The following RIMS2 variants were observed in gnomAD, a reference collection of about 807,000 sequenced individuals.
The protein encoded by RIMS2 is regulating synaptic membrane exocytosis 2, also known as regulating synaptic membrane exocytosis protein 2.
Under a neutral mutation model 174.4 loss-of-function variants are expected in RIMS2, and 59 were observed. The ratio of observed to expected loss-of-function variants is 0.34; its 90% CI spans 0.27 to 0.42. RIMS2 has a LOEUF of 0.42. RIMS2 is among the 10% of genes least tolerant of loss of function. RIMS2 has a pLI of 1.00. For synonymous variants in RIMS2, 606 were observed against 572.5 expected (o/e 1.06, Z -0.84); for missense variants, 1,620 against 1,666.3 (o/e 0.97, Z 0.48).
At chr8:103,779,435 T>C (rs958396148) in intron 3 of RIMS2, among the ~76,000 whole-genome samples, 5 of 152,224 alleles carry the variant, frequency 3.3e-5, no homozygotes, top group African/African-American at 1.2e-4. Flanking sequence ...TGGTGAAAGA[T>C]AGGATTCTAG....
chr8:104,132,122 TTTC>T (rs1303890215), intron 19 of RIMS2, among the ~76,000 whole-genome samples: 1 of 152,186 alleles, frequency 6.6e-6, no homozygotes, highest in Non-Finnish European at 1.5e-5. Context: ...TCATTTTCCT[TTTC>T]TTATTTTGTA....
At chr8:104,046,215 A>G (rs1217204359) in intron 19 of RIMS2, among the ~76,000 whole-genome samples, 1 of 152,000 alleles carries the variant, frequency 6.6e-6, no homozygotes, top group Admixed American at 6.6e-5. Flanking sequence ...TTCATGGACC[A>G]CCATCTTTTT....
At chr8:103,658,413 T>A (rs1277235774) in intron 1 of RIMS2, among the ~76,000 whole-genome samples, 1 of 152,164 alleles carries the variant, frequency 6.6e-6, no homozygotes, top group African/African-American at 2.4e-5. Flanking sequence ...TAAATAAGAT[T>A]ACAAGTAAAC....
chr8:103,751,714 T>C (rs1265049748), intron 2 of RIMS2, among the ~76,000 whole-genome samples: 2 of 151,498 alleles, frequency 1.3e-5, no homozygotes, highest in African/African-American at 2.4e-5. Context: ...TGAGCATTTT[T>C]TCATGTGTTT....
chr8:103,622,400 C>A (rs2095657187), intron 1 of RIMS2, among the ~76,000 whole-genome samples: 1 of 151,800 alleles, frequency 6.6e-6, no homozygotes, highest in South Asian at 2.1e-4. Flanking sequence ...TTTAAAAAGA[C>A]AAACACAAAA....
chr8:104,083,142 T>A (rs1192440155), intron 19 of RIMS2, among the ~76,000 whole-genome samples: 1 of 152,182 alleles, frequency 6.6e-6, no homozygotes, highest in Non-Finnish European at 1.5e-5. Context: ...TAATTATATT[T>A]GCCCTATCCC....
intron 19 of RIMS2, among the ~76,000 whole-genome samples, chr8:104,183,336 C>T (rs889825070): frequency 1.5e-4 from 22 of 151,662 alleles, no homozygotes; most frequent in African/African-American, 5.1e-4. Context: ...TACTAATTTA[C>T]ATAATTATTT....
intron 20 of RIMS2, 135 bp downstream of exon 26, chr8:104,245,192 G>A: frequency 1.2e-6 from 1 of 836,828 alleles, no homozygotes; most frequent in Non-Finnish European, 1.8e-6. Flanking sequence ...CCTGTGAAGA[G>A]AACTTTGCTC....
At chr8:103,907,479 ACT>A (rs1391675804) in intron 4 of RIMS2, among the ~76,000 whole-genome samples, 4 of 151,156 alleles carry the variant, frequency 2.6e-5, no homozygotes, top group Admixed American at 6.6e-5. Flanking sequence ...GTTTTAGGAA[ACT>A]CTATTTGATT....
At chr8:103,568,240 C>T (rs2092529918) in intron 1 of RIMS2, among the ~76,000 whole-genome samples, 1 of 152,038 alleles carries the variant, frequency 6.6e-6, no homozygotes, top group African/African-American at 2.4e-5. Context: ...CGAGGTGGCA[C>T]TGATCTGTGA....
At chr8:103,931,292 C>G in exon 12 of RIMS2, 2 of 1,603,862 alleles carry the variant, frequency 1.2e-6, no homozygotes, top group Non-Finnish European at 1.7e-6. Flanking sequence ...AGGTTGGTCA[C>G]CAATTAATAG....
chr8:103,952,087 A>G (rs1312223793), intron 14 of RIMS2, among the ~76,000 whole-genome samples: 1 of 152,166 alleles, frequency 6.6e-6, no homozygotes, highest in Admixed American at 6.5e-5. Flanking sequence ...TCTCTGAAAA[A>G]AAGGCAGCAG....
intron 2 of RIMS2, among the ~76,000 whole-genome samples, chr8:103,702,852 GTT>G (rs59947900): frequency 0.34 from 39,707 of 117,142 alleles, 4,660 homozygotes; most frequent in East Asian, 0.65. Context: ...TCCTCCAGCT[GTT>G]TTTTTTTTTT....
intron 19 of RIMS2, among the ~76,000 whole-genome samples, chr8:104,226,551 C>T (rs566473543): frequency 6.6e-6 from 1 of 152,300 alleles, no homozygotes; most frequent in South Asian, 2.1e-4. Context: ...TCCTTTCCCT[C>T]TCAGAGCTTT....
intron 1 of RIMS2, among the ~76,000 whole-genome samples, chr8:103,684,066 T>C (rs1441638400): frequency 6.6e-6 from 1 of 152,222 alleles, no homozygotes; most frequent in Non-Finnish European, 1.5e-5. Flanking sequence ...CTTTTCTTAA[T>C]GTCAGGTTTT....
At chr8:103,532,472 A>T (rs150078085) in intron 1 of RIMS2, among the ~76,000 whole-genome samples, 42 of 152,328 alleles carry the variant, frequency 2.8e-4, no homozygotes, top group African/African-American at 9.4e-4. Context: ...TGCATATCTG[A>T]TCCATTCTGT....
chr8:103,886,562 C>T (rs2099203114), intron 4 of RIMS2, among the ~76,000 whole-genome samples: 1 of 151,754 alleles, frequency 6.6e-6, no homozygotes, highest in Non-Finnish European at 1.5e-5. Context: ...ATAAAAGTAA[C>T]AATATATTCA....
intron 2 of RIMS2, among the ~76,000 whole-genome samples, chr8:103,725,673 A>G (rs1482348665): frequency 6.6e-6 from 1 of 152,222 alleles, no homozygotes; most frequent in Non-Finnish European, 1.5e-5. Flanking sequence ...TAAAGCCACT[A>G]TAAACATTTG....
At chr8:103,678,297 C>T (rs1425364427) in intron 1 of RIMS2, among the ~76,000 whole-genome samples, 7 of 152,100 alleles carry the variant, frequency 4.6e-5, no homozygotes, top group Non-Finnish European at 7.4e-5. Flanking sequence ...GAGAACTTGA[C>T]TATGAGCCAT....
Sources: allele counts gnomAD v4.1 joint callset (sites outside exome capture counted in the v4.1 genomes callset), GRCh38; gene constraint gnomAD v4.1.1; transcripts MANE v1.5; gene names NCBI Gene and HGNC (gene_info 2026-07-23, HGNC 2026-07-21).